Variants in SLC12A2 observed in about 807,000 individuals in gnomAD.
SLC12A2 encodes solute carrier family 12 member 2, also known as Na-K-2Cl cotransporter 1.
SLC12A2 carries 67 observed loss-of-function variants against 136.3 expected under a neutral mutation model. That is an observed-to-expected ratio of 0.49 (90% CI 0.40 to 0.60). SLC12A2 has a LOEUF of 0.60. SLC12A2 is among the 20% of genes least tolerant of loss of function. SLC12A2 has a pLI of 0.00. For synonymous variants in SLC12A2, 619 were observed against 562.9 expected (o/e 1.10, Z -1.41); for missense variants, 1,322 against 1,534.7 (o/e 0.86, Z 2.32).
At chr5:128,183,351 A>G (rs1037658630) in intron 24 of SLC12A2, among the ~76,000 whole-genome samples, 1 of 152,036 alleles carries the variant, frequency 6.6e-6, no homozygotes, top group Admixed American at 6.6e-5. Context: ...TCCACCTGAA[A>G]ATGGTATATA....
chr5:128,127,311 C>T (rs958335632), intron 4 of SLC12A2, among the ~76,000 whole-genome samples: 10 of 151,460 alleles, frequency 6.6e-5, no homozygotes, highest in Admixed American at 2.0e-4. Context: ...TTAGTAGAGA[C>T]GGGGTTTCAC....
intron 9 of SLC12A2, among the ~76,000 whole-genome samples, chr5:128,139,565 T>G (rs1762295057): frequency 6.6e-6 from 1 of 152,206 alleles, no homozygotes; most frequent in Non-Finnish European, 1.5e-5. Flanking sequence ...GTTCCGAGAT[T>G]TCACTACCAA....
At chr5:128,126,386 G>A (rs1300933099) in intron 4 of SLC12A2, among the ~76,000 whole-genome samples, 1 of 152,194 alleles carries the variant, frequency 6.6e-6, no homozygotes, top group African/African-American at 2.4e-5. Context: ...AGTAACAGAT[G>A]CTGGAGAGGA....
chr5:128,185,095 T>A (rs1763825827), intron 26 of SLC12A2, among the ~76,000 whole-genome samples: 1 of 152,186 alleles, frequency 6.6e-6, no homozygotes, highest in Non-Finnish European at 1.5e-5. Flanking sequence ...TATTGGAACC[T>A]TTTGTTTACC....
intron 23 of SLC12A2, among the ~76,000 whole-genome samples, chr5:128,181,411 T>C (rs896480822): frequency 6.6e-6 from 1 of 152,186 alleles, no homozygotes; most frequent in African/African-American, 2.4e-5. Flanking sequence ...ACGATTCTAG[T>C]TCTTGTTTCA....
chr5:128,138,562 T>C (rs748188564), intron 7 of SLC12A2, 35 bp from the exon 8 acceptor site: 1 of 1,582,528 alleles, frequency 6.3e-7, no homozygotes, highest in Non-Finnish European at 8.6e-7. Flanking sequence ...TAATTTGCTC[T>C]CCATTAATTG....
chr5:128,131,849 T>TA (rs1762034452), intron 5 of SLC12A2, among the ~76,000 whole-genome samples: 1 of 151,162 alleles, frequency 6.6e-6, no homozygotes, highest in Non-Finnish European at 1.5e-5. Context: ...CTACTAAAAA[T>TA]AAAAAATTAG....
In SLC12A2 at chr5:128,084,280, C is replaced by G; in HGVS notation, c.326C>G (p.Ala109Gly). The change falls in exon 1 of 27, where the codon GCT (alanine) becomes GGT (glycine). Residue 109 changes from alanine to glycine, a missense_variant. Transcript: ENST00000262461. This position sits in a 1 kb window ranked among gnomAD's most constrained non-coding sequence, Gnocchi z 5.6. Reference sequence around the variant, plus strand: ...GCGGCGGCAGCGGCGGCGGCTGGTGCTGGGGCGGGGGCCAAGCAGACCCCC... The same window carrying G: ...GCGGCGGCAGCGGCGGCGGCTGGTGGTGGGGCGGGGGCCAAGCAGACCCCC... ...AAAAAAAAAG[A>G]GAGAKQTPAD... 7.0e-7 allele frequency: 1 copy of G among 1,425,640 alleles called. No homozygotes were observed. The highest frequency in any genetic ancestry group is 9.1e-7 in the Non-Finnish European group (1 of 1,102,496). 88.3% of individuals were successfully genotyped at this position (1,425,640 alleles called of 1,614,324 possible).
chr5:128,125,554 C>T (rs540789463), intron 4 of SLC12A2, among the ~76,000 whole-genome samples: 4 of 152,132 alleles, frequency 2.6e-5, no homozygotes, highest in South Asian at 2.1e-4. Context: ...TTATGTTATT[C>T]GGTTTGACAT....
chr5:128,138,767 T>C, intron 8 of SLC12A2, 43 bp downstream of exon 8: 1 of 1,598,652 alleles, frequency 6.3e-7, no homozygotes, highest in African/African-American at 1.4e-5. Context: ...ATTTTAAAAG[T>C]GGAATTTGTA....
At chr5:128,178,515 G>C in intron 21 of SLC12A2, 52 bp from the exon 22 acceptor site, 1 of 1,371,498 alleles carries the variant, frequency 7.3e-7, no homozygotes, top group Non-Finnish European at 9.8e-7. Flanking sequence ...TTCAGCAAAA[G>C]GGACTTTAAT....
intron 15 of SLC12A2, among the ~76,000 whole-genome samples, chr5:128,153,113 G>A (rs545919293): frequency 2.6e-5 from 4 of 152,230 alleles, no homozygotes; most frequent in African/African-American, 2.4e-5. Flanking sequence ...TTTGACATGC[G>A]TTATTTTGTA....
chr5:128,090,442 G>A (rs1437726127), intron 1 of SLC12A2, among the ~76,000 whole-genome samples: 2 of 152,168 alleles, frequency 1.3e-5, no homozygotes, highest in African/African-American at 4.8e-5. Flanking sequence ...TATTTGGGAA[G>A]TCTATAGTAT....
chr5:128,139,224 AT>A (rs1409114365), intron 9 of SLC12A2, among the ~76,000 whole-genome samples: 2 of 152,006 alleles, frequency 1.3e-5, no homozygotes, highest in African/African-American at 4.8e-5. Flanking sequence ...GTAGAAGCAA[AT>A]GAATTTCACT....
At chr5:128,153,170 T>G (rs1404803246) in intron 15 of SLC12A2, among the ~76,000 whole-genome samples, 1 of 152,224 alleles carries the variant, frequency 6.6e-6, no homozygotes, top group Non-Finnish European at 1.5e-5. Context: ...AATTAGTGAT[T>G]AACTGGAAGC....
intron 4 of SLC12A2, among the ~76,000 whole-genome samples, chr5:128,126,003 G>A (rs1270015055): frequency 6.6e-6 from 1 of 152,052 alleles, no homozygotes; most frequent in African/African-American, 2.4e-5. Flanking sequence ...GAATTCTGTT[G>A]CATTGATTTG....
chr5:128,144,972 G>A (rs148073781), intron 10 of SLC12A2, among the ~76,000 whole-genome samples: 2 of 151,196 alleles, frequency 1.3e-5, no homozygotes, highest in African/African-American at 4.9e-5. Flanking sequence ...TGTTTCCACT[G>A]TATATTGTTG....
chr5:128,175,283 A>T (rs1763503657), intron 20 of SLC12A2, among the ~76,000 whole-genome samples: 1 of 152,018 alleles, frequency 6.6e-6, no homozygotes, highest in South Asian at 2.1e-4. Flanking sequence ...TCTCTTCTAT[A>T]TTATTTAGAA....
intron 4 of SLC12A2, 25 bp downstream of exon 4, chr5:128,114,706 C>G (rs764469205): frequency 3.0e-6 from 4 of 1,332,862 alleles, no homozygotes; most frequent in Non-Finnish European, 4.3e-6. Context: ...TTTGAATCAT[C>G]ATCATCAGAT....
Sources: allele counts gnomAD v4.1 joint callset (sites outside exome capture counted in the v4.1 genomes callset), GRCh38; gene constraint gnomAD v4.1.1; non-coding constraint Gnocchi (gnomAD v3.1); transcripts MANE v1.5; gene names NCBI Gene and HGNC (gene_info 2026-07-23, HGNC 2026-07-21).